Variants in NUP93 observed in about 807,000 individuals in gnomAD.
The protein encoded by NUP93 is nucleoporin 93.
A neutral mutation model predicts 107.8 loss-of-function variants in NUP93; 55 were observed. That is an observed-to-expected ratio of 0.51 (90% CI 0.41 to 0.64). The LOEUF (loss-of-function observed/expected upper bound fraction) is 0.64, where lower values mean the gene tolerates loss of function less well. Ranked by LOEUF, NUP93 falls within the 30% of genes least tolerant of loss-of-function variation. The probability of loss-of-function intolerance (pLI) is 0.00; values close to 1 mark genes in which losing one functional copy is unlikely to be tolerated. For missense variants in NUP93, 937 were observed against 1,044.7 expected, an observed-to-expected ratio of 0.90 and a Z score of 1.42; for synonymous variants, 390 against 397.5, an observed-to-expected ratio of 0.98 and a Z score of 0.22.
intron 5 of NUP93, among the ~76,000 whole-genome samples, chr16:56,810,694 A>C (rs1423844731): frequency 6.6e-6 from 1 of 152,164 alleles, no homozygotes; most frequent in Non-Finnish European, 1.5e-5. Flanking sequence ...AATCATCACA[A>C]ATAGAACACA....
chr16:56,787,164 CTGTT>C (rs1381897504), intron 3 of NUP93, among the ~76,000 whole-genome samples: 1 of 152,222 alleles, frequency 6.6e-6, no homozygotes, highest in Admixed American at 6.5e-5. Flanking sequence ...AAGGGAAGGT[CTGTT>C]TGTTTTAGTA....
chr16:56,748,470 G>A lies in NUP93; in HGVS notation c.179+44G>A, dbSNP rs562967330. ...ACAGCATTAGTACTGGGTGGCTTGC[G>A]GGCAGGATCTGTTTCTTCTTTCCTG... On this transcript the variant is annotated intron_variant, in intron 2 of 21. Coordinates refer to ENST00000308159, the MANE Select transcript of NUP93 (RefSeq NM_014669.5). The A allele has an allele frequency of 3.3e-5, 49 of 1,497,968 alleles. No homozygotes were observed. The East Asian group carries it at 1.0e-3, about 30-fold the overall frequency. 92.8% of individuals were successfully genotyped at this position (1,497,968 alleles called of 1,614,324 possible).
chr16:56,765,059 C>T (rs1210168783), intron 3 of NUP93, among the ~76,000 whole-genome samples: 4 of 152,184 alleles, frequency 2.6e-5, no homozygotes, highest in Non-Finnish European at 5.9e-5. Flanking sequence ...TTTAAGTAGG[C>T]AGAACATCCC....
chr16:56,835,438 T>C (rs1386562912), intron 16 of NUP93, among the ~76,000 whole-genome samples: 1 of 152,232 alleles, frequency 6.6e-6, no homozygotes, highest in African/African-American at 2.4e-5. Flanking sequence ...ACCATCTACC[T>C]CAGAAGAAAG....
At position 56,829,145 on chromosome 16, in the gene NUP93, CCCA is replaced by C. The variant is rs753570425; in HGVS notation, c.927+37_927+39del. 6.7e-4 allele frequency: 1,066 copies of C among 1,593,226 alleles called. 11 individuals carry two copies. The South Asian group carries it at 0.011, about 16-fold the overall frequency. On this transcript the variant is annotated intron_variant, in intron 9 of 21. Coordinates refer to ENST00000308159, the MANE Select transcript of NUP93 (RefSeq NM_014669.5). ...CTTTCTCTGTGTGATCAGTTACACC[CCCA>C]GAGCAGTTGCCCTCAGATGGGCATT...
intron 3 of NUP93, among the ~76,000 whole-genome samples, chr16:56,774,902 T>G (rs1301536721): frequency 5.3e-5 from 8 of 150,298 alleles, no homozygotes; most frequent in Non-Finnish European, 1.2e-4. Flanking sequence ...TTTTTGTTTT[T>G]GTTTTTTTTT....
At chr16:56,755,107 T>C (rs1239224405) in intron 2 of NUP93, among the ~76,000 whole-genome samples, 1 of 152,220 alleles carries the variant, frequency 6.6e-6, no homozygotes, top group Non-Finnish European at 1.5e-5. Context: ...CATAGGGTTA[T>C]ATGACCCAGC....
chr16:56,744,594 T>C (rs1344148951), intron 1 of NUP93, among the ~76,000 whole-genome samples: 1 of 152,250 alleles, frequency 6.6e-6, no homozygotes, highest in African/African-American at 2.4e-5. Flanking sequence ...CATATCTCTC[T>C]TCTTCTGTGC....
At chr16:56,754,005 AATTG>A (rs1169064739) in intron 2 of NUP93, among the ~76,000 whole-genome samples, 3 of 151,942 alleles carry the variant, frequency 2.0e-5, no homozygotes, top group South Asian at 2.1e-4. Context: ...AAAGAGGTTT[AATTG>A]ATTCACATTT....
rs556383292 is a variant in NUP93 at position 56,816,237 on chromosome 16, G to A, written c.490-2427G>A. ...GAAATTCAAATAGTGTTGGCACATA[G>A]TAAGTGCTCATTAATAGCTGTTGTT... On this transcript the variant is annotated intron_variant, in intron 5 of 21. Transcript: ENST00000308159. 4.1e-4 allele frequency among the ~76,000 whole-genome samples: 63 copies of A among 152,364 alleles called. 1 individual carries two copies. In the Middle Eastern group the frequency reaches 0.01, roughly 25 times the overall value.
chr16:56,767,550 C>A (rs1304735600), intron 3 of NUP93, among the ~76,000 whole-genome samples: 1 of 152,092 alleles, frequency 6.6e-6, no homozygotes, highest in African/African-American at 2.4e-5. Context: ...GAGTTTCCTC[C>A]ACTCCTCCCT....
At chr16:56,763,860 GA>G (rs1323711851) in intron 3 of NUP93, among the ~76,000 whole-genome samples, 12 of 141,138 alleles carry the variant, frequency 8.5e-5, no homozygotes, top group East Asian at 2.2e-4. Flanking sequence ...CTACCCAAAA[GA>G]AAAAAAAAAG....
At position 56,849,451 on chromosome 16, in the gene NUP93, G is replaced by A. The variant is rs1964152125; in HGVS notation, c.*4842G>A. 1 of 152,274 alleles carries A rather than the reference G, an allele frequency of 6.6e-6. No homozygotes were observed. Among genetic ancestry groups the A allele is most frequent in the Non-Finnish European group, 1.5e-5 (1 of 68,084 alleles). The allele number at this position is 152,274 out of a possible 1,614,324, so 9.4% of individuals were successfully genotyped here. A position where few individuals can be genotyped will look rare whatever the true frequency, so the allele number is the denominator to read the frequency against. On this transcript the variant is annotated 3_prime_UTR_variant, in exon 22 of 22. Transcript: ENST00000308159. ...TCTTGGGGATGGGGAGGGCAAAAAA[G>A]TTTGCCCCAGACACTGGCTTCTGTT...
At chr16:56,738,084 T>C (rs1289299719) in intron 1 of NUP93, among the ~76,000 whole-genome samples, 1 of 152,232 alleles carries the variant, frequency 6.6e-6, no homozygotes, top group Non-Finnish European at 1.5e-5. Context: ...TGGGGCTGTT[T>C]CCCAGGAAGC....
chr16:56,799,240 T>C (rs1962967753), intron 4 of NUP93, among the ~76,000 whole-genome samples: 1 of 152,158 alleles, frequency 6.6e-6, no homozygotes, highest in East Asian at 1.9e-4. Flanking sequence ...CCACCTTTTA[T>C]ATTAACAATT....
intron 4 of NUP93, 113 bp from the exon 5 acceptor site, chr16:56,805,391 T>C: frequency 8.7e-7 from 1 of 1,143,508 alleles, no homozygotes; most frequent in Admixed American, 2.4e-5. Context: ...TTGCTTTTTC[T>C]CTACCTATGG....
chr16:56,773,718 G>A (rs116245911), intron 3 of NUP93, among the ~76,000 whole-genome samples: 1,988 of 152,272 alleles, frequency 0.013, 43 homozygotes, highest in African/African-American at 0.045. Context: ...AGCTTGAGAT[G>A]TACTGAATTA....
At chr16:56,789,915 A>G (rs1198797095) in intron 3 of NUP93, among the ~76,000 whole-genome samples, 1 of 152,200 alleles carries the variant, frequency 6.6e-6, no homozygotes, top group Non-Finnish European at 1.5e-5. Flanking sequence ...CCTGGCCAAC[A>G]TGATGAAAAC....
chr16:56,743,103 T>C (rs1374608133), intron 1 of NUP93, among the ~76,000 whole-genome samples: 2 of 152,254 alleles, frequency 1.3e-5, no homozygotes, highest in Non-Finnish European at 2.9e-5. Flanking sequence ...GTATCTACTC[T>C]TTCTAGCTCG....
Sources: allele counts gnomAD v4.1 joint callset (sites outside exome capture counted in the v4.1 genomes callset), GRCh38; gene constraint gnomAD v4.1.1; transcripts MANE v1.5; gene names NCBI Gene and HGNC (gene_info 2026-07-23, HGNC 2026-07-21).